The following TSNARE1 variants were observed in gnomAD, a reference collection of about 807,000 sequenced individuals.
TSNARE1 encodes t-SNARE domain-containing protein 1.
Under a neutral mutation model 62.0 loss-of-function variants are expected in TSNARE1, and 49 were observed. The observed-to-expected ratio is 0.79, with a 90% confidence interval of 0.63 to 1.00. TSNARE1 has a LOEUF of 1.00. Ranked by LOEUF, TSNARE1 falls within the 50% of genes least tolerant of loss-of-function variation. The pLI, the probability that TSNARE1 is intolerant of heterozygous loss-of-function variation, is 0.00. For missense variants in TSNARE1, 755 were observed against 700.1 expected, an observed-to-expected ratio of 1.08 and a Z score of -0.88; for synonymous variants, 328 against 294.4, an observed-to-expected ratio of 1.11 and a Z score of -1.17.
intron 11 of TSNARE1, chr8:142,276,324 TGGA>T (rs1197294743): frequency 1.1e-5 from 11 of 985,328 alleles, no homozygotes; most frequent in Non-Finnish European, 1.3e-5. Context: ...TCTGAGCCAA[TGGA>T]GGAGGAGAGG....
intron 2 of TSNARE1, among the ~76,000 whole-genome samples, chr8:142,346,949 G>C (rs1833454031): frequency 6.6e-6 from 1 of 152,232 alleles, no homozygotes; most frequent in African/African-American, 2.4e-5. Context: ...CACGAGGTGG[G>C]CGAGGGCCCA....
intron 1 of TSNARE1, among the ~76,000 whole-genome samples, chr8:142,396,078 G>A (rs1837874990): frequency 6.6e-6 from 1 of 152,010 alleles, no homozygotes; most frequent in Non-Finnish European, 1.5e-5. Context: ...GACCCTTGAT[G>A]ACCCATGCCC....
chr8:142,401,198 C>T (rs999834536), intron 1 of TSNARE1, among the ~76,000 whole-genome samples: 2 of 152,154 alleles, frequency 1.3e-5, no homozygotes, highest in African/African-American at 4.8e-5. Flanking sequence ...CAAAGTCTTA[C>T]GTGTCCAGTG....
chr8:142,219,295 G>A (rs1816091363), intron 13 of TSNARE1, among the ~76,000 whole-genome samples: 1 of 152,176 alleles, frequency 6.6e-6, no homozygotes, highest in Non-Finnish European at 1.5e-5. Flanking sequence ...GGAAAGCTTA[G>A]GGAGAGAAGG....
intron 4 of TSNARE1, among the ~76,000 whole-genome samples, chr8:142,335,704 C>T (rs1831664204): frequency 6.6e-6 from 1 of 152,180 alleles, no homozygotes; most frequent in Non-Finnish European, 1.5e-5. Flanking sequence ...AGGCCTTACA[C>T]TTAATGATGC....
Position 142,315,408 on chromosome 8 carries a change from G to A in TSNARE1, c.985-316C>T, listed in dbSNP as rs757118370. Among the ~76,000 whole-genome samples the A allele has an allele frequency of 5.9e-5, 9 of 152,350 alleles. No individual in the cohort carries two copies. The South Asian group carries it at 6.2e-4, about 11-fold the overall frequency. The stretch of plus-strand genomic sequence containing the variant: ...CTCCTCTTCCACAGCGCAGGACGTC[G>A]TGGCCCTGAGTCCCGAGTGACTTGT... On this transcript the variant is annotated intron_variant, in intron 7 of 13. Coordinates refer to ENST00000524325, the MANE Select transcript of TSNARE1 (RefSeq NM_145003.5).
At chr8:142,300,787 G>A in intron 9 of TSNARE1, 143 bp from the exon 10 acceptor site, 4 of 774,640 alleles carry the variant, frequency 5.2e-6, no homozygotes, top group Admixed American at 3.7e-5. Context: ...TGAGGCGGGG[G>A]CCTTCTGCGG....
chr8:142,358,522 T>G (rs2130829604), intron 1 of TSNARE1, among the ~76,000 whole-genome samples: 1 of 152,130 alleles, frequency 6.6e-6, no homozygotes, highest in South Asian at 2.1e-4. Flanking sequence ...ATTTGTGAGC[T>G]GCTCCACCGC....
intron 12 of TSNARE1, among the ~76,000 whole-genome samples, chr8:142,236,305 G>A (rs948741872): frequency 2.6e-5 from 4 of 151,824 alleles, no homozygotes; most frequent in African/African-American, 4.8e-5. Context: ...GTTCAGAGGC[G>A]GGCAGACAGA....
chr8:142,388,152 A>C (rs1837231252), intron 1 of TSNARE1, among the ~76,000 whole-genome samples: 1 of 152,204 alleles, frequency 6.6e-6, no homozygotes, highest in Non-Finnish European at 1.5e-5. Flanking sequence ...TTAAGAAAAA[A>C]ATCATATGAT....
chr8:142,316,640 C>G (rs770108321), intron 7 of TSNARE1, among the ~76,000 whole-genome samples: 6 of 151,818 alleles, frequency 4.0e-5, no homozygotes, highest in Non-Finnish European at 5.9e-5. Context: ...TGCGCCTTGC[C>G]TGCAGGCACC....
At chr8:142,221,973 CCACTCACTCACTCATT>C (rs1816278343) in intron 13 of TSNARE1, among the ~76,000 whole-genome samples, 1 of 112,110 alleles carries the variant, frequency 8.9e-6, no homozygotes, top group African/African-American at 3.6e-5. Flanking sequence ...ATCCACTCAT[CCACTCACTCACTCATT>C]CACTCACTCA....
intron 13 of TSNARE1, among the ~76,000 whole-genome samples, chr8:142,225,639 A>G (rs543044722): frequency 5.9e-4 from 90 of 152,294 alleles, no homozygotes; most frequent in African/African-American, 2.1e-3. Context: ...AAGTGACTAC[A>G]GGCAAACCAT....
At chr8:142,252,142 TC>T (rs1307752259) in intron 12 of TSNARE1, among the ~76,000 whole-genome samples, 9 of 152,280 alleles carry the variant, frequency 5.9e-5, no homozygotes, top group African/African-American at 2.2e-4. Flanking sequence ...GCGTTCTCTG[TC>T]TGCAGGGCAC....
At chr8:142,242,966 A>AAG (rs1554628057) in intron 12 of TSNARE1, among the ~76,000 whole-genome samples, 1 of 151,608 alleles carries the variant, frequency 6.6e-6, no homozygotes, top group Non-Finnish European at 1.5e-5. Flanking sequence ...AAAAAAAAAA[A>AAG]AAAAGCTAAC....
intron 1 of TSNARE1, among the ~76,000 whole-genome samples, chr8:142,386,855 T>G (rs1006941960): frequency 6.6e-6 from 1 of 152,090 alleles, no homozygotes; most frequent in East Asian, 1.9e-4. Context: ...CAGAAACATA[T>G]CAATGGTAGA....
intron 1 of TSNARE1, among the ~76,000 whole-genome samples, chr8:142,395,974 G>A (rs900759374): frequency 1.3e-5 from 2 of 151,494 alleles, no homozygotes; most frequent in African/African-American, 2.4e-5. Context: ...AAGGTGGCCC[G>A]CTCTGTCCAG....
intron 12 of TSNARE1, among the ~76,000 whole-genome samples, chr8:142,264,656 T>C (rs1819045874): frequency 1.3e-5 from 2 of 152,250 alleles, no homozygotes; most frequent in Admixed American, 6.5e-5. Flanking sequence ...GTGACTCCAG[T>C]GTATCCTTAA....
intron 6 of TSNARE1, among the ~76,000 whole-genome samples, chr8:142,325,870 G>T (rs543191449): frequency 7.0e-6 from 1 of 142,166 alleles, no homozygotes; most frequent in African/African-American, 2.6e-5. Flanking sequence ...GTGAAGGGGA[G>T]GGGCCCCAGA....
Sources: gnomAD v4.1 joint callset for allele counts (sites outside exome capture counted in the v4.1 genomes callset) on GRCh38, gnomAD v4.1.1 for gene constraint, MANE v1.5 for transcripts, NCBI Gene and HGNC (gene_info 2026-07-23, HGNC 2026-07-21) for gene names.